Variants in FKBP9 observed in about 807,000 individuals in gnomAD.
FKBP9 encodes the protein peptidyl-prolyl cis-trans isomerase FKBP9.
In FKBP9, 27 loss-of-function variants were observed where a neutral mutation model predicts 55.6. The ratio of observed to expected loss-of-function variants is 0.49; its 90% CI spans 0.36 to 0.67. The LOEUF is 0.67. FKBP9 is among the 30% of genes least tolerant of loss of function. The probability of loss-of-function intolerance (pLI) is 0.00; values close to 1 mark genes in which losing one functional copy is unlikely to be tolerated. For synonymous variants in FKBP9, 267 were observed against 296.5 expected (o/e 0.90, Z 1.02); for missense variants, 539 against 742.8 (o/e 0.73, Z 3.19).
At chr7:32,976,622 GGTAACCAC>G in intron 4 of FKBP9, 123 bp downstream of exon 4, 1 of 1,347,456 alleles carries the variant, frequency 7.4e-7, no homozygotes, top group Non-Finnish European at 1.0e-6. Context: ...TGGCCAATAT[GGTAACCAC>G]TAGCTACATG....
At chr7:32,991,812 C>T (rs867011240) in intron 6 of FKBP9, among the ~76,000 whole-genome samples, 4 of 152,098 alleles carry the variant, frequency 2.6e-5, no homozygotes, top group African/African-American at 7.2e-5. Context: ...ATCACTTCAT[C>T]GATGGTTTGC....
chr7:32,966,116 A>G lies in FKBP9; in HGVS notation c.221+8322A>G, dbSNP rs557985486. The stretch of plus-strand genomic sequence containing the variant: ...GCTGAGGCAGGAGAATTGCTTGAAC[A>G]TGAGAAGCAGAGGTTGCAGTGAGCC... On this transcript the variant is annotated intron_variant, in intron 1 of 9. Coordinates refer to ENST00000242209, the MANE Select transcript of FKBP9 (RefSeq NM_007270.5). 4.3e-5 allele frequency among the ~76,000 whole-genome samples: 6 copies of G among 140,392 alleles called. No individual in the cohort carries two copies. In the South Asian group the frequency reaches 1.2e-3, roughly 28 times the overall value. 92.1% of individuals were successfully genotyped at this position (140,392 alleles called of 152,430 possible). A position where few individuals can be genotyped will look rare whatever the true frequency, so the allele number is the denominator to read the frequency against.
chr7:32,992,786 T>C (rs919254224), intron 6 of FKBP9: 10 of 225,688 alleles, frequency 4.4e-5, no homozygotes, highest in African/African-American at 2.2e-4. Context: ...CAGGCCCTGC[T>C]CACGGTGTTA....
chr7:32,971,555 A>G (rs1583846264), intron 1 of FKBP9, among the ~76,000 whole-genome samples: 1 of 151,694 alleles, frequency 6.6e-6, no homozygotes, highest in African/African-American at 2.4e-5. Context: ...ATCTTGGCTC[A>G]CTGCAGCCTC....
intron 1 of FKBP9, among the ~76,000 whole-genome samples, chr7:32,962,363 C>T (rs1784043408): frequency 6.6e-6 from 1 of 152,260 alleles, no homozygotes; most frequent in Admixed American, 6.5e-5. Context: ...CACTGCACTA[C>T]AGCCTGGGCA....
intron 7 of FKBP9, among the ~76,000 whole-genome samples, chr7:32,996,698 TTCTCTTTC>T (rs1333407319): frequency 5.0e-5 from 7 of 140,524 alleles, no homozygotes; most frequent in East Asian, 4.5e-4. Flanking sequence ...TTTCCTTTCT[TTCTCTTTC>T]TCTCTTTCTC....
intron 1 of FKBP9, among the ~76,000 whole-genome samples, chr7:32,970,320 C>T (rs1271188688): frequency 6.6e-6 from 1 of 152,092 alleles, no homozygotes; most frequent in East Asian, 1.9e-4. Flanking sequence ...TCTCAGCCTC[C>T]CGAGTAGCTG....
At chr7:32,966,686 A>C (rs1179751032) in intron 1 of FKBP9, among the ~76,000 whole-genome samples, 2 of 152,146 alleles carry the variant, frequency 1.3e-5, no homozygotes, top group Non-Finnish European at 2.9e-5. Flanking sequence ...ATTGGCTCAC[A>C]GTTCTGCAGG....
intron 9 of FKBP9, among the ~76,000 whole-genome samples, chr7:33,003,093 A>C (rs1193605882): frequency 3.9e-5 from 6 of 152,186 alleles, no homozygotes; most frequent in Non-Finnish European, 7.3e-5. Flanking sequence ...GTCTGCATTT[A>C]GTTCTCGTTA....
intron 8 of FKBP9, among the ~76,000 whole-genome samples, chr7:33,000,862 C>T (rs1784916710): frequency 6.6e-6 from 1 of 152,120 alleles, no homozygotes. Flanking sequence ...CTAACTGCAG[C>T]CTTGAACTCC....
At chr7:32,968,447 A>G (rs1309270228) in intron 1 of FKBP9, among the ~76,000 whole-genome samples, 1 of 152,162 alleles carries the variant, frequency 6.6e-6, no homozygotes, top group Admixed American at 6.5e-5. Flanking sequence ...TTGCATTCCC[A>G]TCAAAGTGCA....
At chr7:33,000,040 G>A (rs61259431) in intron 7 of FKBP9, 75 bp from the exon 8 acceptor site, 49,317 of 1,556,078 alleles carry the variant, frequency 0.032, 3,310 homozygotes, top group Admixed American at 0.17. Context: ...TAGAAGTGAT[G>A]TGTTCTTCTC....
intron 8 of FKBP9, 25 bp downstream of exon 8, chr7:33,000,285 G>A: frequency 6.3e-7 from 1 of 1,586,560 alleles, no homozygotes; most frequent in Non-Finnish European, 8.6e-7. Flanking sequence ...CTATTCAAGG[G>A]TGTTGGGGGC....
chr7:32,975,012 C>A, intron 2 of FKBP9, 170 bp from the exon 3 acceptor site: 1 of 663,110 alleles, frequency 1.5e-6, no homozygotes, highest in Admixed American at 2.9e-5. Flanking sequence ...TCTTTTCTTT[C>A]AATTTCATTT....
rs1784955554 is a variant in FKBP9, at chr7:33,002,677, T to C, written c.1374T>C (p.Asp458=). The change falls in exon 9 of 10, where the codon GAT becomes GAC. Residue 458 remains aspartate (D), a splice_region_variant and synonymous_variant. Transcript: ENST00000242209. ...CTCCCGCTCCTGTCACCTGGACAGA[T>C]GGAGAAGTGCCCGGCAGTGCCGTAT... ...PHLGYGEAGV[D]GEVPGSAVLV... 1.9e-6 allele frequency: 3 copies of C among 1,613,432 alleles called. No homozygotes were observed. The highest frequency in any genetic ancestry group is 2.5e-6 in the Non-Finnish European group (3 of 1,179,802).
intron 1 of FKBP9, among the ~76,000 whole-genome samples, chr7:32,961,347 T>G (rs1396952999): frequency 1.3e-5 from 2 of 152,164 alleles, no homozygotes; most frequent in Admixed American, 1.3e-4. Context: ...CAGTAGTGTT[T>G]AAACTACATA....
intron 1 of FKBP9, among the ~76,000 whole-genome samples, chr7:32,958,236 A>G (rs964039818): frequency 6.6e-6 from 1 of 152,186 alleles, no homozygotes; most frequent in African/African-American, 2.4e-5. Context: ...ACACAGAACA[A>G]TGATGAAGAG....
At chr7:32,977,140 T>C (rs1381675926) in intron 4 of FKBP9, among the ~76,000 whole-genome samples, 1 of 152,246 alleles carries the variant, frequency 6.6e-6, no homozygotes, top group Non-Finnish European at 1.5e-5. Flanking sequence ...TTTGTAGTTT[T>C]ACTGTGAAGG....
At chr7:32,988,742 T>C in intron 6 of FKBP9, 90 bp downstream of exon 6, 1 of 1,295,168 alleles carries the variant, frequency 7.7e-7, no homozygotes, top group Non-Finnish European at 1.1e-6. Flanking sequence ...TCTTCTTTCT[T>C]TTTGAGATAG....
Sources: gnomAD v4.1 joint callset for allele counts (sites outside exome capture counted in the v4.1 genomes callset) on GRCh38, gnomAD v4.1.1 for gene constraint, MANE v1.5 for transcripts, NCBI Gene and HGNC (gene_info 2026-07-23, HGNC 2026-07-21) for gene names.